Variants in UBE2Q2 observed in about 807,000 individuals in gnomAD.
UBE2Q2 encodes ubiquitin conjugating enzyme E2 Q2.
UBE2Q2 carries 54 observed loss-of-function variants against 59.9 expected under a neutral mutation model. That is an observed-to-expected ratio of 0.90 (90% CI 0.72 to 1.13). The LOEUF (loss-of-function observed/expected upper bound fraction) is 1.13, where lower values mean the gene tolerates loss of function less well. Ranked by LOEUF, UBE2Q2 falls within the 50% of genes most tolerant of loss-of-function variation. The pLI, the probability that UBE2Q2 is intolerant of heterozygous loss-of-function variation, is 0.00. For missense variants in UBE2Q2, 433 were observed against 441.9 expected (o/e 0.98, Z 0.18); for synonymous variants, 165 against 155.2 (o/e 1.06, Z -0.47).
chr15:75,873,364 T>C, intron 4 of UBE2Q2, 64 bp from the exon 5 acceptor site: 1 of 1,465,822 alleles, frequency 6.8e-7, no homozygotes, highest in Non-Finnish European at 9.2e-7. Context: ...TAATGTTATT[T>C]TGGCATAAGA....
chr15:75,890,631 G>C, intron 10 of UBE2Q2, 148 bp downstream of exon 10: 2 of 770,894 alleles, frequency 2.6e-6, no homozygotes, highest in Non-Finnish European at 4.2e-6. Context: ...GAATGAAAAA[G>C]GTAAACCAAT....
chr15:75,854,459 G>C lies in UBE2Q2; in HGVS notation c.254G>C (p.Arg85Pro). The change falls in exon 2 of 13, where the codon CGT (arginine) becomes CCT (proline). Residue 85 changes from arginine (R) to proline (P), a missense_variant. Arg to Pro is a moderately radical substitution (Grantham distance 103). Coordinates refer to ENST00000267938, the MANE Select transcript of UBE2Q2 (RefSeq NM_173469.4). Reference protein sequence around the residue: ...EDPNLTSVLERLEDTKNNNLL... With the variant: ...EDPNLTSVLEPLEDTKNNNLL... ...CCAAATCTGACATCAGTTCTGGAAC[G>C]TCTAGAAGATACTAAGAACAACAAT... 1 of 1,611,948 alleles carries C rather than the reference G, an allele frequency of 6.2e-7. No homozygotes were observed.
intron 12 of UBE2Q2, 25 bp from the exon 13 acceptor site, chr15:75,899,402 C>CTTTTT (rs768831458): frequency 5.1e-5 from 62 of 1,226,916 alleles, no homozygotes; most frequent in Non-Finnish European, 6.9e-5. Flanking sequence ...ATTATTTTAA[C>CTTTTT]TTTTTTTTTT....
Position 75,843,695 on chromosome 15 carries a change from T to G in UBE2Q2, c.29T>G (p.Leu10Arg). The change falls in exon 1 of 13, where the codon CTG (leucine) becomes CGG (arginine). Residue 10 changes from leucine to arginine, a missense_variant. Physicochemically the swap from Leu to Arg is moderately radical, Grantham distance 102. Transcript: ENST00000267938. ...TCCGTGTCAGGGCTCAAGGCCGAGC[T>G]GAAGTTCCTGGCGTCCATCTTCGAC... MSVSGLKAE[L>R]KFLASIFDKN... 6.2e-7 allele frequency: 1 copy of G among 1,610,916 alleles called. No individual in the cohort carries two copies. Among genetic ancestry groups the G allele is most frequent in the Non-Finnish European group, 8.5e-7 (1 of 1,178,716 alleles).
chr15:75,856,383 A>G (rs1043051787), intron 2 of UBE2Q2, among the ~76,000 whole-genome samples: 1 of 151,996 alleles, frequency 6.6e-6, no homozygotes, highest in Non-Finnish European at 1.5e-5. Context: ...TGATAAAAAA[A>G]TAAAGAATAG....
At chr15:75,886,045 G>A (rs1486859113) in intron 9 of UBE2Q2, among the ~76,000 whole-genome samples, 1 of 151,846 alleles carries the variant, frequency 6.6e-6, no homozygotes, top group Non-Finnish European at 1.5e-5. Flanking sequence ...TAGTTCTTAC[G>A]TTTTTCATAG....
chr15:75,898,991 G>T (rs1289770734), intron 12 of UBE2Q2, among the ~76,000 whole-genome samples: 1 of 151,826 alleles, frequency 6.6e-6, no homozygotes, highest in African/African-American at 2.4e-5. Context: ...TGGGTGCAGT[G>T]GCTCACACCT....
At position 75,863,468 on chromosome 15, in the gene UBE2Q2, C is replaced by T. The variant is rs182293017; in HGVS notation, c.387+3486C>T. On this transcript the variant is annotated intron_variant, in intron 3 of 12. Coordinates refer to ENST00000267938, the MANE Select transcript of UBE2Q2 (RefSeq NM_173469.4). ...GTTTGTTTTTCTTTTTTTTTTTTGA[C>T]GGAGTCTCTCTGTCGCCCAGGGTGG... Among the ~76,000 whole-genome samples, 82 of 149,480 alleles carry T rather than the reference C, an allele frequency of 5.5e-4. No homozygotes were observed. The Middle Eastern group carries it at 0.01, about 19-fold the overall frequency.
chr15:75,860,469 C>T (rs1162487161), intron 3 of UBE2Q2, among the ~76,000 whole-genome samples: 3 of 151,926 alleles, frequency 2.0e-5, no homozygotes, highest in South Asian at 2.1e-4. Flanking sequence ...TACTATAATA[C>T]ATGATAATTT....
intron 3 of UBE2Q2, among the ~76,000 whole-genome samples, chr15:75,860,245 T>C (rs1567021661): frequency 2.6e-5 from 4 of 152,190 alleles, no homozygotes. Context: ...TTTCCGTAAA[T>C]GCTCTTGCTT....
At position 75,883,342 on chromosome 15, in the gene UBE2Q2, T is replaced by A. The variant is rs778271570; in HGVS notation, c.826-24T>A. The A allele has an allele frequency of 3.1e-6, 5 of 1,603,294 alleles. No homozygotes were observed. The Admixed American group carries it at 8.4e-5, about 27-fold the overall frequency. ...CACTAAGGATGTTCTTTAAATTAAT[T>A]AAACTTGCTTATTTGCTTTTTAGGA... On this transcript the variant is annotated intron_variant, in intron 8 of 12. Coordinates refer to ENST00000267938, the MANE Select transcript of UBE2Q2 (RefSeq NM_173469.4).
chr15:75,857,689 C>T (rs1387074478), intron 2 of UBE2Q2, among the ~76,000 whole-genome samples: 1 of 150,208 alleles, frequency 6.7e-6, no homozygotes, highest in Non-Finnish European at 1.5e-5. Flanking sequence ...TCTTAATGTC[C>T]ACCAATAAAG....
chr15:75,844,023 G>GT, intron 1 of UBE2Q2, 177 bp downstream of exon 1: 4 of 1,409,404 alleles, frequency 2.8e-6, no homozygotes, highest in Non-Finnish European at 3.7e-6. Context: ...CGCGAGGCTT[G>GT]GGTGGGAGGA....
At chr15:75,893,703 T>C (rs1470032592) in intron 11 of UBE2Q2, among the ~76,000 whole-genome samples, 1 of 152,100 alleles carries the variant, frequency 6.6e-6, no homozygotes, top group Non-Finnish European at 1.5e-5. Context: ...TTAAAAACAG[T>C]TGGTACCATA....
intron 1 of UBE2Q2, chr15:75,844,514 C>T: frequency 1.9e-6 from 3 of 1,549,528 alleles, no homozygotes; most frequent in South Asian, 1.2e-5. Context: ...TCGTGTGGCC[C>T]CTCCCTTGTG....
intron 9 of UBE2Q2, among the ~76,000 whole-genome samples, chr15:75,884,319 A>G (rs570699789): frequency 1.8e-4 from 27 of 152,318 alleles, no homozygotes; most frequent in African/African-American, 6.3e-4. Flanking sequence ...TGAGATAGTA[A>G]TAGTTGCATT....
At chr15:75,851,428 T>C (rs867883537) in intron 1 of UBE2Q2, among the ~76,000 whole-genome samples, 17 of 152,212 alleles carry the variant, frequency 1.1e-4, no homozygotes, top group African/African-American at 3.9e-4. Flanking sequence ...ATCTTCTAAA[T>C]GTTGATACAT....
chr15:75,844,350 G>A (rs1896204224), intron 1 of UBE2Q2: 1 of 1,550,588 alleles, frequency 6.4e-7, no homozygotes, highest in Non-Finnish European at 8.7e-7. Context: ...AGGAGAAACT[G>A]ACAATGAGAA....
intron 3 of UBE2Q2, among the ~76,000 whole-genome samples, chr15:75,864,385 G>A (rs1486974432): frequency 6.6e-6 from 1 of 151,906 alleles, no homozygotes; most frequent in South Asian, 2.1e-4. Flanking sequence ...GGGTGCTGTT[G>A]GCATTTCTTA....
Sources: allele counts gnomAD v4.1 joint callset (sites outside exome capture counted in the v4.1 genomes callset), GRCh38; gene constraint gnomAD v4.1.1; transcripts MANE v1.5; gene names NCBI Gene and HGNC (gene_info 2026-07-23, HGNC 2026-07-21).